The following SLC25A26 variants were observed in gnomAD, a reference collection of about 807,000 sequenced individuals.
SLC25A26 encodes the protein solute carrier family 25 member 26.
SLC25A26 carries 36 observed loss-of-function variants against 37.8 expected under a neutral mutation model. The observed-to-expected ratio is 0.95, with a 90% confidence interval of 0.73 to 1.26. SLC25A26 has a LOEUF of 1.26. Ranked by LOEUF, SLC25A26 falls within the 50% of genes most tolerant of loss-of-function variation. The probability of loss-of-function intolerance (pLI) is 0.00; values close to 1 mark genes in which losing one functional copy is unlikely to be tolerated. For synonymous variants in SLC25A26, 129 were observed against 122.5 expected (o/e 1.05, Z -0.35); for missense variants, 390 against 331.1 (o/e 1.18, Z -1.38).
intron 5 of SLC25A26, among the ~76,000 whole-genome samples, chr3:66,300,243 G>GTTTTTTTT (rs1395905357): frequency 8.8e-6 from 1 of 113,440 alleles, no homozygotes; most frequent in African/African-American, 3.0e-5. Context: ...CTAGGCTAGG[G>GTTTTTTTT]TTTTTTTGTT....
At chr3:66,284,615 G>A (rs989903010) in intron 5 of SLC25A26, among the ~76,000 whole-genome samples, 1 of 152,086 alleles carries the variant, frequency 6.6e-6, no homozygotes, top group African/African-American at 2.4e-5. Flanking sequence ...TAAGTGCATG[G>A]AATAATACAC....
intron 1 of SLC25A26, among the ~76,000 whole-genome samples, chr3:66,149,573 T>C (rs959204112): frequency 6.6e-5 from 10 of 152,242 alleles, no homozygotes; most frequent in African/African-American, 9.6e-5. Flanking sequence ...CTTACGTGTT[T>C]TGTTTTCATT....
chr3:66,364,658 A>G (rs1407928646), intron 7 of SLC25A26, among the ~76,000 whole-genome samples: 1 of 152,220 alleles, frequency 6.6e-6, no homozygotes, highest in Non-Finnish European at 1.5e-5. Flanking sequence ...GTACTCTGCA[A>G]AACCGAGTCG....
At chr3:66,208,929 T>C (rs2071223712) in intron 1 of SLC25A26, among the ~76,000 whole-genome samples, 1 of 125,500 alleles carries the variant, frequency 8.0e-6, no homozygotes, top group African/African-American at 2.9e-5. Flanking sequence ...TATATATACA[T>C]ACACATATAT....
intron 1 of SLC25A26, among the ~76,000 whole-genome samples, chr3:66,162,928 T>C (rs1301953677): frequency 1.3e-5 from 2 of 152,206 alleles, no homozygotes; most frequent in African/African-American, 2.4e-5. Flanking sequence ...GGAACTTGCT[T>C]CATTAAGGCC....
At chr3:66,239,838 T>C (rs1286309487) in intron 2 of SLC25A26, among the ~76,000 whole-genome samples, 1 of 148,370 alleles carries the variant, frequency 6.7e-6, no homozygotes, top group Non-Finnish European at 1.5e-5. Context: ...TTTTTTTTTT[T>C]TTAACAGTGG....
At chr3:66,282,833 G>C (rs1559653322) in intron 5 of SLC25A26, among the ~76,000 whole-genome samples, 1 of 152,142 alleles carries the variant, frequency 6.6e-6, no homozygotes, top group Non-Finnish European at 1.5e-5. Context: ...CCTTCTGCTA[G>C]CCGATGCATA....
At chr3:66,336,795 C>T (rs1005680045) in intron 5 of SLC25A26, among the ~76,000 whole-genome samples, 1 of 152,024 alleles carries the variant, frequency 6.6e-6, no homozygotes, top group African/African-American at 2.4e-5. Context: ...TTCCAGGAAG[C>T]CAATGAAAAT....
chr3:66,250,848 C>T lies in SLC25A26; in HGVS notation c.300+7536C>T, dbSNP rs9867190. ...TTAATTCATTAAAAAAATTGTGCAT[C>T]TATTTAAGGTATCAACACAATGTGG... On this transcript the variant is annotated intron_variant, in intron 3 of 9. Coordinates refer to ENST00000354883, the MANE Select transcript of SLC25A26 (RefSeq NM_001379210.1). Among the ~76,000 whole-genome samples, 1,067 of 152,172 alleles carry T rather than the reference C, an allele frequency of 7.0e-3. 15 individuals are homozygous for T. The highest frequency in any genetic ancestry group is 0.024 in the African/African-American group (1,005 of 41,518).
At chr3:66,278,020 C>T (rs1198610522) in intron 5 of SLC25A26, among the ~76,000 whole-genome samples, 1 of 151,988 alleles carries the variant, frequency 6.6e-6, no homozygotes, top group African/African-American at 2.4e-5. Context: ...GGATTTGATC[C>T]TGGAACAGAA....
intron 5 of SLC25A26, among the ~76,000 whole-genome samples, chr3:66,270,310 A>G (rs1019032179): frequency 6.6e-6 from 1 of 152,240 alleles, no homozygotes; most frequent in Non-Finnish European, 1.5e-5. Flanking sequence ...AGGAAAAAAA[A>G]TGATTCAAAA....
chr3:66,174,805 A>G (rs1013044734), intron 1 of SLC25A26, among the ~76,000 whole-genome samples: 1 of 134,176 alleles, frequency 7.5e-6, no homozygotes, highest in Non-Finnish European at 1.6e-5. Context: ...AAAAGAAAAA[A>G]AAAAAAAGAA....
intron 1 of SLC25A26, among the ~76,000 whole-genome samples, chr3:66,182,693 C>G (rs1247305899): frequency 9.0e-6 from 1 of 110,720 alleles, no homozygotes; most frequent in East Asian, 2.6e-4. Flanking sequence ...AGCCCAGCAT[C>G]GGCCTCAACC....
intron 6 of SLC25A26, among the ~76,000 whole-genome samples, chr3:66,362,624 CAT>C (rs950650349): frequency 3.3e-5 from 5 of 152,162 alleles, no homozygotes; most frequent in South Asian, 2.1e-4. Flanking sequence ...TGCACACACA[CAT>C]ATGTATTCTC....
chr3:66,296,871 A>G (rs1395712114), intron 5 of SLC25A26, among the ~76,000 whole-genome samples: 1 of 152,198 alleles, frequency 6.6e-6, no homozygotes, highest in Non-Finnish European at 1.5e-5. Context: ...AAGAACTGAG[A>G]AGTCCTCGAT....
At chr3:66,231,726 G>A (rs571115271) in intron 1 of SLC25A26, among the ~76,000 whole-genome samples, 6 of 150,692 alleles carry the variant, frequency 4.0e-5, no homozygotes, top group South Asian at 4.2e-4. Context: ...TAAGAATATA[G>A]TGTATGTTTC....
Position 66,327,521 on chromosome 3 carries a change from G to A in SLC25A26, c.454-18843G>A, listed in dbSNP as rs146009756. 2.0e-4 allele frequency among the ~76,000 whole-genome samples: 30 copies of A among 152,056 alleles called. No homozygotes were observed. In the East Asian group the frequency reaches 4.1e-3, roughly 21 times the overall value. ...AGTTCTCCAAAAATAAAAATGAAAC[G>A]TGTATATAAAATAATTCATTTGTTA... On this transcript the variant is annotated intron_variant, in intron 5 of 9. Transcript: ENST00000354883.
In SLC25A26 at chr3:66,145,588, T is replaced by G. The variant is rs188944396; in HGVS notation, c.-354+11604T>G. ...CAGAGTGTACAATATATAACTTTTG[T>G]TTTTTTTTAAATACTAATCAGTATT... is the stretch of plus-strand genomic sequence containing the variant. On this transcript the variant is annotated intron_variant, in intron 1 of 10. Transcript: ENST00000676754. Among the ~76,000 whole-genome samples the G allele has an allele frequency of 2.5e-4, 38 of 151,980 alleles. No homozygotes were observed. In the East Asian group the frequency reaches 6.0e-3, roughly 24 times the overall value.
At chr3:66,134,872 C>T (rs2069923862) in intron 1 of SLC25A26, among the ~76,000 whole-genome samples, 1 of 151,646 alleles carries the variant, frequency 6.6e-6, no homozygotes. Context: ...TTCTTGTCAC[C>T]CAGGCTGTAG....
Sources: gnomAD v4.1 joint callset for allele counts (sites outside exome capture counted in the v4.1 genomes callset) on GRCh38, gnomAD v4.1.1 for gene constraint, MANE v1.5 for transcripts, NCBI Gene and HGNC (gene_info 2026-07-23, HGNC 2026-07-21) for gene names.